Variants in CARD14 observed in about 807,000 individuals in gnomAD.
The protein encoded by CARD14 is caspase recruitment domain family member 14, also known as caspase recruitment domain-containing protein 14.
Under a neutral mutation model 111.5 loss-of-function variants are expected in CARD14, and 107 were observed. The observed-to-expected ratio is 0.96, with a 90% confidence interval of 0.82 to 1.13. The LOEUF (loss-of-function observed/expected upper bound fraction) is 1.13, where lower values mean the gene tolerates loss of function less well. CARD14 is among the 50% of genes most tolerant of loss of function. The pLI is 0.00. For synonymous variants in CARD14, 617 were observed against 579.6 expected (o/e 1.06, Z -0.93); for missense variants, 1,322 against 1,362.3 (o/e 0.97, Z 0.47).
intron 1 of CARD14, among the ~76,000 whole-genome samples, chr17:80,171,896 C>T (rs1242855478): frequency 1.3e-5 from 2 of 152,214 alleles, no homozygotes; most frequent in Admixed American, 1.3e-4. Flanking sequence ...GAGGGACAAT[C>T]CAACTAGAGG....
intron 11 of CARD14, 32 bp from the exon 12 acceptor site, chr17:80,192,471 A>C: frequency 6.3e-7 from 1 of 1,579,424 alleles, no homozygotes; most frequent in Non-Finnish European, 8.7e-7. Context: ...CCTTTCCCGA[A>C]TTAACCAGCC....
In CARD14 at chr17:80,201,464, T is replaced by C. The variant is rs2040971607; in HGVS notation, c.1852-280T>C. On this transcript the variant is annotated intron_variant, in intron 16 of 23. Transcript: ENST00000648509. This position sits in a 1 kb window ranked among gnomAD's most constrained non-coding sequence, Gnocchi z 5.0. Reference sequence around the variant, plus strand: ...TCTTTCTTTTCTTTTCTTTTCTTTTTCAAGACAGGAAAGTGCTTATCACAA... The same window carrying C: ...TCTTTCTTTTCTTTTCTTTTCTTTTCCAAGACAGGAAAGTGCTTATCACAA... 1 of 426,654 alleles carries C rather than the reference T, an allele frequency of 2.3e-6. No homozygotes were observed. Among genetic ancestry groups the C allele is most frequent in the South Asian group, 2.6e-5 (1 of 38,090 alleles). The allele number at this position is 426,654 out of a possible 1,614,324, so 26.4% of individuals were successfully genotyped here.
intron 4 of CARD14, among the ~76,000 whole-genome samples, chr17:80,180,410 C>T (rs942369771): frequency 3.3e-5 from 5 of 152,166 alleles, no homozygotes; most frequent in East Asian, 1.9e-4. Flanking sequence ...GCAGCCGAGC[C>T]GTGCTGGCCG....
chr17:80,202,659 G>C, intron 18 of CARD14: 1 of 1,351,138 alleles, frequency 7.4e-7, no homozygotes, highest in East Asian at 2.8e-5. Flanking sequence ...TCTTAGCTCT[G>C]GGTTTCTTAG....
intron 5 of CARD14, 49 bp downstream of exon 5, chr17:80,181,698 C>T: frequency 6.8e-7 from 1 of 1,475,434 alleles, no homozygotes; most frequent in Non-Finnish European, 9.1e-7. Context: ...CCGTGGCCCA[C>T]ATGGCTCCAC....
At chr17:80,204,721 C>A in intron 20 of CARD14, 1 of 413,866 alleles carries the variant, frequency 2.4e-6, no homozygotes, top group Non-Finnish European at 4.3e-6. Flanking sequence ...TGCCACTCTC[C>A]CAGATCCTTT....
chr17:80,201,683 G>T lies in CARD14; in HGVS notation c.1852-61G>T. On this transcript the variant is annotated intron_variant, in intron 16 of 23. Transcript: ENST00000648509. The surrounding 1 kb of genome is among the most constrained non-coding windows in gnomAD (Gnocchi z 5.0). ...CGCCTCAGTGCCCTCAGCGCCTTCT[G>T]TCTTCTGGCTGGATTCAGAGTCCCG... is the stretch of plus-strand genomic sequence containing the variant. 6.2e-7 allele frequency: 1 copy of T among 1,602,240 alleles called. No homozygotes were observed.
At chr17:80,171,287 TTTTC>T (rs952836579) in intron 1 of CARD14, among the ~76,000 whole-genome samples, 10 of 149,318 alleles carry the variant, frequency 6.7e-5, no homozygotes, top group South Asian at 4.3e-4. Context: ...TCTTTTCTTC[TTTTC>T]TTTCTTTCTT....
rs746358733 is a variant in CARD14, at chr17:80,205,587, G to C, written c.2626G>C (p.Glu876Gln). 1.6e-5 allele frequency: 26 copies of C among 1,576,116 alleles called. No homozygotes were observed. Among genetic ancestry groups the C allele is most frequent in the Non-Finnish European group, 2.1e-5 (24 of 1,160,330 alleles). ...GAGCCAGAGAGGGGACATCATCCAGGAGGGAGAGGTGTCCGGGGGCCGCTG... is the reference window on the plus strand; with the variant it reads ...GAGCCAGAGAGGGGACATCATCCAGCAGGGAGAGGTGTCCGGGGGCCGCTG... Reference protein sequence around the residue: ...AWSQRGDIIQEGEVSGGRCWV... With the variant: ...AWSQRGDIIQQGEVSGGRCWV... The change falls in exon 22 of 24, where the codon GAG (glutamate) becomes CAG (glutamine). Residue 876 changes from glutamate (E) to glutamine (Q), a missense_variant. Physicochemically the swap from Glu to Gln is conservative, Grantham distance 29. Transcript: ENST00000648509.
At chr17:80,175,018 C>T (rs554168419) in intron 2 of CARD14, among the ~76,000 whole-genome samples, 1 of 152,050 alleles carries the variant, frequency 6.6e-6, no homozygotes, top group South Asian at 2.1e-4. Context: ...GTCTGTCATC[C>T]AGGCTGGAGT....
Position 80,195,770 on chromosome 17 carries a change from CT to C in CARD14, c.1594+120del. ...AAGGGCAGATAGAAGCAGAGCTCAA[CT>C]TCTGCCCTGGGCCTTGACCTTGGCC... On this transcript the variant is annotated intron_variant, in intron 14 of 23. Coordinates refer to ENST00000648509, the MANE Select transcript of CARD14 (RefSeq NM_001366385.1). The surrounding 1 kb of genome is among the most constrained non-coding windows in gnomAD (Gnocchi z 4.7). 1.2e-6 allele frequency: 1 copy of C among 846,964 alleles called. No homozygotes were observed. The highest frequency in any genetic ancestry group is 1.8e-6 in the Non-Finnish European group (1 of 545,688). 52.5% of individuals were successfully genotyped at this position (846,964 alleles called of 1,614,324 possible).
At position 80,189,913 on chromosome 17, in the gene CARD14, C is replaced by A; in HGVS notation, c.963+41C>A. 1 of 1,575,722 alleles carries A rather than the reference C, an allele frequency of 6.3e-7. No individual in the cohort carries two copies. The highest frequency in any genetic ancestry group is 8.6e-7 in the Non-Finnish European group (1 of 1,167,144). Reference sequence around the variant, plus strand: ...TTCCTCCCTTGTGACTCTCCTGGGGCTTGTCTCAGGGGTGCGGACAGGTCT... The same window carrying A: ...TTCCTCCCTTGTGACTCTCCTGGGGATTGTCTCAGGGGTGCGGACAGGTCT... On this transcript the variant is annotated intron_variant, in intron 9 of 23. Transcript: ENST00000648509. The surrounding 1 kb of genome is among the most constrained non-coding windows in gnomAD (Gnocchi z 4.7).
chr17:80,191,734 C>G (rs1032781741), intron 11 of CARD14, among the ~76,000 whole-genome samples: 4 of 152,200 alleles, frequency 2.6e-5, no homozygotes, highest in African/African-American at 9.6e-5. Context: ...GAATGGGGAG[C>G]TTAGCGGAAG....
chr17:80,181,545 C>T lies in CARD14; in HGVS notation c.107C>T (p.Pro36Leu), dbSNP rs759080738. ...CACAGGATCGTACGCTGCATCTGCC[C>T]CAGCCGCCTCACCCCCTACCTGCGC... The part of the protein sequence containing the change: ...HRHRIVRCIC[P>L]SRLTPYLRQA... Residue 36 changes from proline to leucine, a missense_variant, in exon 5 of 24, where the codon CCC becomes CTC. Coordinates refer to ENST00000648509, the MANE Select transcript of CARD14 (RefSeq NM_001366385.1). 2.5e-6 allele frequency: 4 copies of T among 1,575,142 alleles called. No homozygotes were observed. Among genetic ancestry groups the T allele is most frequent in the Middle Eastern group, 1.7e-4 (1 of 6,008 alleles).
Position 80,209,192 on chromosome 17 carries a change from G to T in CARD14, c.*847G>T. 3.7e-6 allele frequency: 2 copies of T among 547,408 alleles called. No homozygotes were observed. Among genetic ancestry groups the T allele is most frequent in the Non-Finnish European group, 4.7e-6 (2 of 429,606 alleles). The allele number at this position is 547,408 out of a possible 1,614,324, so 33.9% of individuals were successfully genotyped here. A position where few individuals can be genotyped will look rare whatever the true frequency, so the allele number is the denominator to read the frequency against. On this transcript the variant is annotated 3_prime_UTR_variant, in exon 24 of 24. Coordinates refer to ENST00000648509, the MANE Select transcript of CARD14 (RefSeq NM_001366385.1). ...CCTGGCCTTGCCCCTGCCTCCTGGG[G>T]CTGTTGCAGACTGAATGTCATTTTG...
chr17:80,185,976 G>T (rs372836322), intron 7 of CARD14, among the ~76,000 whole-genome samples: 7 of 152,368 alleles, frequency 4.6e-5, no homozygotes, highest in East Asian at 3.9e-4. Flanking sequence ...ATTTGTCAAG[G>T]TGCAGGCCAA....
intron 7 of CARD14, among the ~76,000 whole-genome samples, chr17:80,187,632 A>G (rs770033073): frequency 1.2e-4 from 18 of 152,172 alleles, no homozygotes; most frequent in Non-Finnish European, 2.4e-4. Flanking sequence ...GTCCAGGTGG[A>G]AAGGTCCTTC....
At position 80,182,634 on chromosome 17, in the gene CARD14, G is replaced by A. The variant is rs200725256; in HGVS notation, c.212-19G>A. On this transcript the variant is annotated intron_variant, in intron 5 of 23. Coordinates refer to ENST00000648509, the MANE Select transcript of CARD14 (RefSeq NM_001366385.1). The surrounding 1 kb of genome is among the most constrained non-coding windows in gnomAD (Gnocchi z 4.7). ...TTGGTAGCTGGGTTCTGCCCAGACA[G>A]ACGGTTCTGCCTCCCAAGGGCACTT... The A allele has an allele frequency of 1.1e-4, 184 of 1,613,454 alleles. 1 individual carries two copies. The highest frequency in any genetic ancestry group is 3.3e-4 in the Admixed American group (20 of 59,938).
intron 7 of CARD14, chr17:80,187,881 C>T: frequency 1.0e-6 from 1 of 985,624 alleles, no homozygotes; most frequent in Non-Finnish European, 1.2e-6. Context: ...CAAGTCAACA[C>T]AGGAGCTTTG....
Sources: gnomAD v4.1 joint callset for allele counts (sites outside exome capture counted in the v4.1 genomes callset) on GRCh38, gnomAD v4.1.1 for gene constraint, Gnocchi (gnomAD v3.1) non-coding constraint, MANE v1.5 for transcripts, NCBI Gene and HGNC (gene_info 2026-07-23, HGNC 2026-07-21) for gene names.